Variants in NBEA observed in about 807,000 individuals in gnomAD.
NBEA encodes the protein lysosomal-trafficking regulator 2.
Under a neutral mutation model 343.4 loss-of-function variants are expected in NBEA, and 44 were observed. That is an observed-to-expected ratio of 0.13 (90% CI 0.10 to 0.16). The LOEUF (loss-of-function observed/expected upper bound fraction) is 0.16, where lower values mean the gene tolerates loss of function less well. Ranked by LOEUF, NBEA falls within the 10% of genes least tolerant of loss-of-function variation. NBEA has a pLI of 1.00. For synonymous variants in NBEA, 1,175 were observed against 1,238.7 expected, an observed-to-expected ratio of 0.95 and a Z score of 1.08; for missense variants, 2,555 against 3,631.3, an observed-to-expected ratio of 0.70 and a Z score of 7.62.
At chr13:35,155,362 A>G (rs992182239) in intron 18 of NBEA, among the ~76,000 whole-genome samples, 1 of 152,044 alleles carries the variant, frequency 6.6e-6, no homozygotes, top group African/African-American at 2.4e-5. Context: ...GGTGGCTCAC[A>G]CCTGTAACCC....
chr13:35,246,598 G>T (rs2031233873), intron 34 of NBEA, among the ~76,000 whole-genome samples: 1 of 152,118 alleles, frequency 6.6e-6, no homozygotes, highest in African/African-American at 2.4e-5. Flanking sequence ...CTCCAGGCTG[G>T]TACTGAGGTT....
Position 35,312,907 on chromosome 13 carries a change from G to A in NBEA, c.5903+3315G>A, listed in dbSNP as rs1252839540. 7.2e-4 allele frequency among the ~76,000 whole-genome samples: 110 copies of A among 152,204 alleles called. 2 individuals are homozygous for A. Among genetic ancestry groups the A allele is most frequent in the Admixed American group, 7.2e-3 (110 of 15,282 alleles). On this transcript the variant is annotated intron_variant, in intron 36 of 58. Coordinates refer to ENST00000379939, the MANE Select transcript of NBEA (RefSeq NM_001385012.1). The stretch of plus-strand genomic sequence containing the variant: ...GGGTTACACTGAACTTGTGGTACCA[G>A]TGAAATATCCAGGTGGAGATGTTCA...
intron 45 of NBEA, among the ~76,000 whole-genome samples, chr13:35,568,800 T>TA (rs1265022912): frequency 6.6e-6 from 1 of 152,190 alleles, no homozygotes; most frequent in Admixed American, 6.6e-5. Context: ...CATCAGTGCT[T>TA]AAAAACTTGG....
At chr13:35,143,237 G>C (rs772506885) in intron 18 of NBEA, among the ~76,000 whole-genome samples, 8 of 152,206 alleles carry the variant, frequency 5.3e-5, no homozygotes, top group Non-Finnish European at 8.8e-5. Flanking sequence ...AGCTGCTTTT[G>C]TGCCACGACC....
intron 18 of NBEA, among the ~76,000 whole-genome samples, chr13:35,143,313 A>G (rs927276823): frequency 1.1e-4 from 16 of 152,220 alleles, no homozygotes. Context: ...GTTGCTTGGC[A>G]AACTAGAAAT....
chr13:35,099,443 G>C (rs2065522595), intron 11 of NBEA, among the ~76,000 whole-genome samples: 1 of 151,950 alleles, frequency 6.6e-6, no homozygotes, highest in African/African-American at 2.4e-5. Flanking sequence ...CAAGTGATCT[G>C]CCCGCCTTGG....
intron 1 of NBEA, among the ~76,000 whole-genome samples, chr13:34,979,590 T>G (rs2060290353): frequency 6.6e-6 from 1 of 152,178 alleles, no homozygotes; most frequent in African/African-American, 2.4e-5. Flanking sequence ...ATTTGTAAAT[T>G]TTTTAAAATG....
chr13:35,338,205 A>C (rs2039378263), intron 36 of NBEA, among the ~76,000 whole-genome samples: 1 of 152,014 alleles, frequency 6.6e-6, no homozygotes, highest in African/African-American at 2.4e-5. Flanking sequence ...AAAATTGAAA[A>C]AACTTTAGCT....
chr13:35,197,410 A>G (rs552776948), intron 31 of NBEA, among the ~76,000 whole-genome samples: 12 of 152,252 alleles, frequency 7.9e-5, no homozygotes, highest in South Asian at 4.2e-4. Context: ...AATAATATCT[A>G]TTCCATATTG....
Position 35,626,087 on chromosome 13 carries a change from T to G in NBEA, c.7450-1994T>G, listed in dbSNP as rs139395083. On this transcript the variant is annotated intron_variant, in intron 48 of 58. Transcript: ENST00000379939. ...AGTTTTGTGCAGCCATGAGAAGCAA[T>G]GGGCTAGTCACACAGTGACACAGGT... 1.6e-3 allele frequency among the ~76,000 whole-genome samples: 240 copies of G among 152,248 alleles called. 1 individual carries two copies. The highest frequency in any genetic ancestry group is 5.6e-3 in the African/African-American group (231 of 41,546).
At chr13:35,266,263 T>C (rs1354619415) in intron 34 of NBEA, among the ~76,000 whole-genome samples, 1 of 151,912 alleles carries the variant, frequency 6.6e-6, no homozygotes, top group Non-Finnish European at 1.5e-5. Flanking sequence ...ATAGCCATTG[T>C]GGAAAACAGA....
At position 35,534,560 on chromosome 13, in the gene NBEA, G is replaced by A. The variant is rs115221422; in HGVS notation, c.6586-15917G>A. Among the ~76,000 whole-genome samples, 526 of 152,302 alleles carry A rather than the reference G, an allele frequency of 3.5e-3. 5 individuals are homozygous for A. The highest frequency in any genetic ancestry group is 0.012 in the African/African-American group (502 of 41,570). Reference sequence around the variant, plus strand: ...ATCCCCATTCCAGTTCATCCTTTCTGCAGTGAGTGCTCTGGACAGCCTCTT... The same window carrying A: ...ATCCCCATTCCAGTTCATCCTTTCTACAGTGAGTGCTCTGGACAGCCTCTT... On this transcript the variant is annotated intron_variant, in intron 41 of 58. Coordinates refer to ENST00000379939, the MANE Select transcript of NBEA (RefSeq NM_001385012.1).
At chr13:35,195,706 C>T (rs528025701) in intron 30 of NBEA, among the ~76,000 whole-genome samples, 158 bp from the exon 31 acceptor site, 1 of 152,108 alleles carries the variant, frequency 6.6e-6, no homozygotes, top group East Asian at 1.9e-4. Flanking sequence ...TGGATGATAT[C>T]TTTCAACTGA....
chr13:35,552,116 A>G (rs1297202756), intron 43 of NBEA, among the ~76,000 whole-genome samples: 1 of 152,242 alleles, frequency 6.6e-6, no homozygotes, highest in African/African-American at 2.4e-5. Flanking sequence ...TGTCTACCAC[A>G]TAGACTGTTA....
rs1297698917 is a variant in NBEA, at chr13:35,117,500, T to C, written c.2082+7T>C. The C allele has an allele frequency of 8.3e-7, 1 of 1,204,864 alleles. No homozygotes were observed. Among genetic ancestry groups the C allele is most frequent in the Admixed American group, 3.3e-5 (1 of 30,498 alleles). 74.6% of individuals were successfully genotyped at this position (1,204,864 alleles called of 1,614,324 possible). On this transcript the variant is annotated splice_region_variant and intron_variant, in intron 14 of 58. Transcript: ENST00000379939. ...GAAACAGCTGATACTAAAGGTAAAA[T>C]AATTTTATATAATTTAAAATAATAG...
chr13:35,120,740 A>C (rs2066750492), intron 16 of NBEA, among the ~76,000 whole-genome samples: 1 of 129,476 alleles, frequency 7.7e-6, no homozygotes, highest in Non-Finnish European at 1.5e-5. Flanking sequence ...ATATCTGGGA[A>C]ATTTCAAAGA....
chr13:35,315,289 A>G (rs2037641307), intron 36 of NBEA, among the ~76,000 whole-genome samples: 2 of 152,156 alleles, frequency 1.3e-5, no homozygotes, highest in Admixed American at 1.3e-4. Flanking sequence ...GCAGTTGTCT[A>G]CAATTAACAG....
intron 17 of NBEA, among the ~76,000 whole-genome samples, chr13:35,124,338 C>T (rs2066963377): frequency 1.3e-5 from 2 of 149,372 alleles, no homozygotes; most frequent in South Asian, 4.2e-4. Context: ...TCAGACAAGA[C>T]ATGTCTAACA....
intron 34 of NBEA, among the ~76,000 whole-genome samples, chr13:35,278,824 C>A (rs1285414855): frequency 1.3e-5 from 2 of 151,964 alleles, no homozygotes; most frequent in South Asian, 4.2e-4. Flanking sequence ...GGCTTTGCAA[C>A]CATGTAGTCT....
Sources: allele counts gnomAD v4.1 joint callset (sites outside exome capture counted in the v4.1 genomes callset), GRCh38; gene constraint gnomAD v4.1.1; transcripts MANE v1.5; gene names NCBI Gene and HGNC (gene_info 2026-07-23, HGNC 2026-07-21).